TBC1D5: variants seen among roughly 807,000 people sequenced by gnomAD.
The protein encoded by TBC1D5 is TBC1 domain family, member 5.
In TBC1D5, 75 loss-of-function variants were observed where a neutral mutation model predicts 100.3. That is an observed-to-expected ratio of 0.75 (90% CI 0.62 to 0.91). The LOEUF is 0.91. Ranked by LOEUF, TBC1D5 falls within the 40% of genes least tolerant of loss-of-function variation. The probability of loss-of-function intolerance (pLI) is 0.00; values close to 1 mark genes in which losing one functional copy is unlikely to be tolerated. For synonymous variants in TBC1D5, 323 were observed against 325.6 expected (o/e 0.99, Z 0.09); for missense variants, 910 against 942.4 (o/e 0.97, Z 0.45).
intron 13 of TBC1D5, among the ~76,000 whole-genome samples, chr3:17,365,329 A>G: frequency 6.6e-6 from 1 of 152,164 alleles, no homozygotes. Flanking sequence ...GTAACTCAGC[A>G]CTTTTCCTTC....
chr3:17,428,111 A>T (rs1315000906), intron 4 of TBC1D5, among the ~76,000 whole-genome samples: 1 of 151,834 alleles, frequency 6.6e-6, no homozygotes, highest in Non-Finnish European at 1.5e-5. Context: ...TAGTACCGTA[A>T]CAGATATACT....
At chr3:17,623,017 A>G (rs183836288) in intron 2 of TBC1D5, among the ~76,000 whole-genome samples, 42 of 152,332 alleles carry the variant, frequency 2.8e-4, no homozygotes, top group Non-Finnish European at 4.7e-4. Context: ...TGGGCCCCCA[A>G]TAAAATTCTG....
chr3:17,529,032 C>A (rs963065309), intron 2 of TBC1D5, among the ~76,000 whole-genome samples: 7 of 152,192 alleles, frequency 4.6e-5, no homozygotes, highest in African/African-American at 1.7e-4. Flanking sequence ...CCCAGAATCC[C>A]TCTCTTGCTC....
At chr3:17,332,535 T>C (rs1235903957) in intron 13 of TBC1D5, among the ~76,000 whole-genome samples, 1 of 152,070 alleles carries the variant, frequency 6.6e-6, no homozygotes, top group Non-Finnish European at 1.5e-5. Flanking sequence ...CACAGGCCTA[T>C]GTAAGATCAC....
exon 18 of TBC1D5, chr3:17,214,270 A>G (rs1249426552): frequency 6.2e-7 from 1 of 1,613,504 alleles, no homozygotes; most frequent in African/African-American, 1.3e-5. Context: ...TAAAAAAGGA[A>G]TCTTTTTTAG....
chr3:17,365,129 T>A (rs1398152509), intron 13 of TBC1D5, among the ~76,000 whole-genome samples: 1 of 152,220 alleles, frequency 6.6e-6, no homozygotes, highest in African/African-American at 2.4e-5. Context: ...ATTGGCATGA[T>A]TATTTTTGAC....
intron 1 of TBC1D5, among the ~76,000 whole-genome samples, chr3:17,652,900 A>C (rs1460943905): frequency 6.6e-6 from 1 of 152,202 alleles, no homozygotes; most frequent in Non-Finnish European, 1.5e-5. Flanking sequence ...AAAAGATAGA[A>C]ACAGCCCAAC....
intron 15 of TBC1D5, among the ~76,000 whole-genome samples, chr3:17,277,234 A>G (rs1276978192): frequency 6.6e-6 from 1 of 152,146 alleles, no homozygotes; most frequent in Non-Finnish European, 1.5e-5. Context: ...TCTCAAAAGA[A>G]AATATGAAAT....
At chr3:17,535,969 C>T (rs1382895366) in intron 2 of TBC1D5, among the ~76,000 whole-genome samples, 2 of 152,028 alleles carry the variant, frequency 1.3e-5, no homozygotes, top group East Asian at 3.8e-4. Flanking sequence ...CAAGTACCCA[C>T]TAACAGTAAA....
chr3:17,270,280 C>A lies in TBC1D5; in HGVS notation c.1246-11689G>T, dbSNP rs566975315. ...CATTTTTTCATATGCTTGTTGGACA[C>A]TTGTATGTTTTCTTTTGAGAACTGT... is the stretch of plus-strand genomic sequence containing the variant. On this transcript the variant is annotated intron_variant, in intron 15 of 21. Coordinates refer to ENST00000253692, the Ensembl canonical transcript of TBC1D5. Among the ~76,000 whole-genome samples the A allele has an allele frequency of 5.3e-5, 8 of 152,166 alleles. 1 individual carries two copies. In the South Asian group the frequency reaches 1.7e-3, roughly 32 times the overall value.
At chr3:17,650,364 T>C (rs1321443833) in intron 1 of TBC1D5, among the ~76,000 whole-genome samples, 2 of 151,874 alleles carry the variant, frequency 1.3e-5, no homozygotes. Context: ...AGAAATGGGG[T>C]AGAGGTGGTC....
chr3:17,326,064 G>A (rs1037155857), intron 13 of TBC1D5, among the ~76,000 whole-genome samples: 1 of 152,118 alleles, frequency 6.6e-6, no homozygotes, highest in African/African-American at 2.4e-5. Flanking sequence ...AGAGCACTAA[G>A]AACGTAGTAT....
At position 17,593,569 on chromosome 3, in the gene TBC1D5, G is replaced by A. The variant is rs374941793; in HGVS notation, c.-36+30280C>T. Among the ~76,000 whole-genome samples the A allele has an allele frequency of 5.9e-5, 9 of 152,152 alleles. No homozygotes were observed. The East Asian group carries it at 9.6e-4, about 16-fold the overall frequency. On this transcript the variant is annotated intron_variant, in intron 2 of 21. Coordinates refer to ENST00000253692, the Ensembl canonical transcript of TBC1D5. ...CCTCACTGGAACAGACACTTACTCC[G>A]CTTATGGGTTTGCCTATCCTGCACG... is the stretch of plus-strand genomic sequence containing the variant.
chr3:17,318,363 A>G (rs1164359432), intron 13 of TBC1D5, among the ~76,000 whole-genome samples: 1 of 152,124 alleles, frequency 6.6e-6, no homozygotes, highest in Non-Finnish European at 1.5e-5. Flanking sequence ...TGTACCCTAA[A>G]ACTTAAAGTA....
chr3:17,318,929 C>G (rs1372787975), intron 13 of TBC1D5, among the ~76,000 whole-genome samples: 1 of 152,124 alleles, frequency 6.6e-6, no homozygotes, highest in Admixed American at 6.5e-5. Context: ...ATGGTAATTA[C>G]AGCTATAGGA....
chr3:17,370,799 C>T (rs753278185), intron 13 of TBC1D5, among the ~76,000 whole-genome samples: 4 of 152,052 alleles, frequency 2.6e-5, no homozygotes, highest in Non-Finnish European at 5.9e-5. Context: ...GTTTGAGATT[C>T]TCTGCAATTG....
At chr3:17,376,147 T>G (rs1458646996) in intron 10 of TBC1D5, among the ~76,000 whole-genome samples, 8 of 152,144 alleles carry the variant, frequency 5.3e-5, no homozygotes, top group African/African-American at 1.9e-4. Context: ...TGAGGAGAGA[T>G]AATCTCATAT....
chr3:17,319,435 G>GTT (rs35059577), intron 13 of TBC1D5, among the ~76,000 whole-genome samples: 3 of 138,198 alleles, frequency 2.2e-5, no homozygotes, highest in Non-Finnish European at 3.1e-5. Flanking sequence ...TAATTTATAG[G>GTT]TTTTTTTTTT....
chr3:17,379,996 CTGTA>C (rs2092871806), intron 9 of TBC1D5, among the ~76,000 whole-genome samples: 1 of 150,488 alleles, frequency 6.6e-6, no homozygotes, highest in African/African-American at 2.4e-5. Context: ...AACTACTGTA[CTGTA>C]CTGTACTGCA....
Sources: allele counts gnomAD v4.1 joint callset (sites outside exome capture counted in the v4.1 genomes callset), GRCh38; gene constraint gnomAD v4.1.1; transcripts MANE v1.5; gene names NCBI Gene and HGNC (gene_info 2026-07-23, HGNC 2026-07-21).